Variants in TCTN1 observed in about 807,000 individuals in gnomAD.
TCTN1 encodes tectonic family member 1.
In TCTN1, 58 loss-of-function variants were observed where a neutral mutation model predicts 65.8. The ratio of observed to expected loss-of-function variants is 0.88; its 90% confidence interval spans 0.71 to 1.10. TCTN1 has a LOEUF of 1.10. Ranked by LOEUF, TCTN1 falls within the 50% of genes least tolerant of loss-of-function variation. The pLI, the probability that TCTN1 is intolerant of heterozygous loss-of-function variation, is 0.00. For missense variants in TCTN1, 645 were observed against 719.4 expected, an observed-to-expected ratio of 0.90 and a Z score of 1.18; for synonymous variants, 273 against 289.1, an observed-to-expected ratio of 0.94 and a Z score of 0.57.
chr12:110,627,006 A>G (rs2065896391), intron 3 of TCTN1, among the ~76,000 whole-genome samples: 1 of 151,400 alleles, frequency 6.6e-6, no homozygotes, highest in South Asian at 2.1e-4. Flanking sequence ...TCCCGACCTC[A>G]GGTGATCCAC....
At position 110,649,027 on chromosome 12, in the gene TCTN1, T is replaced by C. The variant is rs763814942; in HGVS notation, c.*2-16T>C. On this transcript the variant is annotated splice_polypyrimidine_tract_variant and intron_variant, in intron 14 of 14. Transcript: ENST00000397659. The stretch of plus-strand genomic sequence containing the variant: ...ATGGGGTGGCAGCTAAAGTAGCTTC[T>C]TTTTCTTTCTTTCAGAATGCTCAGA... 6.2e-6 allele frequency: 3 copies of C among 485,964 alleles called. No individual in the cohort carries two copies. Among genetic ancestry groups the C allele is most frequent in the South Asian group, 4.8e-5 (3 of 62,452 alleles). 30.1% of individuals were successfully genotyped at this position (485,964 alleles called of 1,614,324 possible). A position where few individuals can be genotyped will look rare whatever the true frequency, so the allele number is the denominator to read the frequency against.
rs565621967 is a variant in TCTN1, at chr12:110,636,725, T to C, written c.843+224T>C. Among the ~76,000 whole-genome samples, 3 of 152,310 alleles carry C rather than the reference T, an allele frequency of 2.0e-5. No individual in the cohort carries two copies. In the South Asian group the frequency reaches 6.2e-4, roughly 32 times the overall value. On this transcript the variant is annotated intron_variant, in intron 7 of 14. Coordinates refer to ENST00000397659, the MANE Select transcript of TCTN1 (RefSeq NM_001082538.3). ...CCTCTGTTGTTGTGGTTTTGTACTC[T>C]TCCATGGTTCAGTGACACCACTGTC...
intron 2 of TCTN1, among the ~76,000 whole-genome samples, chr12:110,622,619 A>G (rs1565962692): frequency 6.6e-6 from 1 of 152,072 alleles, no homozygotes; most frequent in Non-Finnish European, 1.5e-5. Flanking sequence ...CTGCGTGGAC[A>G]GAGATGGGGG....
chr12:110,615,340 GA>G (rs566797800), intron 1 of TCTN1, among the ~76,000 whole-genome samples: 1 of 152,148 alleles, frequency 6.6e-6, no homozygotes, highest in Non-Finnish European at 1.5e-5. Context: ...AAAACTTTGT[GA>G]ATATGCCTTT....
At position 110,647,882 on chromosome 12, in the gene TCTN1, CGTTT is replaced by C. The variant is rs1353535488; in HGVS notation, c.1775_1778del (p.Val592AspfsTer106). On this transcript the variant is annotated frameshift_variant, in exon 14 of 15. Transcript: ENST00000397659. LOFTEE classifies it high-confidence loss of function. ...AGGCTGCCCTTTAACTTCTTCTTCC[CGTTT>C]GTTTGACGTAAGTGAGGAAACTACG... 4.3e-6 allele frequency: 7 copies of C among 1,613,504 alleles called. No homozygotes were observed. The highest frequency in any genetic ancestry group is 1.7e-5 in the Admixed American group (1 of 59,998).
intron 11 of TCTN1, chr12:110,643,323 A>G (rs982531091): frequency 6.6e-6 from 1 of 152,230 alleles, no homozygotes; most frequent in Admixed American, 6.5e-5. Context: ...AGTGAGAGGA[A>G]GCCTGAATAT....
intron 12 of TCTN1, 116 bp from the exon 13 acceptor site, chr12:110,647,080 T>C (rs2067371990): frequency 3.3e-6 from 4 of 1,228,496 alleles, no homozygotes; most frequent in Non-Finnish European, 4.7e-6. Flanking sequence ...ACTTGTAGAG[T>C]CTATTCATTT....
chr12:110,618,184 T>C (rs2135883920), intron 1 of TCTN1, among the ~76,000 whole-genome samples: 1 of 151,614 alleles, frequency 6.6e-6, no homozygotes, highest in Admixed American at 6.6e-5. Context: ...ACGATTCTCC[T>C]GCCTCAGCCT....
In TCTN1 at chr12:110,622,030, C is replaced by CA. The variant is rs557781471; in HGVS notation, c.341+2075dup. On this transcript the variant is annotated intron_variant, in intron 2 of 14. Transcript: ENST00000397659. ...GTGGGTGCCTGTAATCCCAGCTACT[C>CA]AGGGGGCTGAGGTGGGAGAATCGCT... 1.5e-3 allele frequency among the ~76,000 whole-genome samples: 225 copies of CA among 151,916 alleles called. 5 individuals are homozygous for CA. The East Asian group carries it at 0.025, about 17-fold the overall frequency.
intron 7 of TCTN1, among the ~76,000 whole-genome samples, chr12:110,638,986 G>T (rs939518067): frequency 6.6e-6 from 1 of 152,228 alleles, no homozygotes; most frequent in Non-Finnish European, 1.5e-5. Context: ...GACAGCTCAC[G>T]TCTTTGTTAC....
At chr12:110,642,006 T>G in intron 10 of TCTN1, 1 of 594,332 alleles carries the variant, frequency 1.7e-6, no homozygotes, top group Non-Finnish European at 3.0e-6. Context: ...TAAACAGATG[T>G]AGTGATTTTG....
At chr12:110,617,974 C>T (rs540087145) in intron 1 of TCTN1, among the ~76,000 whole-genome samples, 1 of 151,922 alleles carries the variant, frequency 6.6e-6, no homozygotes, top group East Asian at 1.9e-4. Context: ...TCCTTTTTAT[C>T]GTGAAATAAT....
At chr12:110,617,347 T>A (rs1258160419) in intron 1 of TCTN1, among the ~76,000 whole-genome samples, 1 of 121,298 alleles carries the variant, frequency 8.2e-6, no homozygotes, top group African/African-American at 3.1e-5. Context: ...GGGGTACTAT[T>A]TTTTTTTTTT....
In TCTN1 at chr12:110,626,360, AG is replaced by A; in HGVS notation, c.344del. 2 of 1,571,730 alleles carry A rather than the reference AG, an allele frequency of 1.3e-6. No homozygotes were observed. The highest frequency in any genetic ancestry group is 2.7e-5 in the African/African-American group (2 of 74,068). ...TTGTATTATTATTTTTTTAATTTTC[AG>A]GGGCGACAGCCAGTTTTGTAGTCAA... On this transcript the variant is annotated splice_acceptor_variant, in intron 2 of 14. Transcript: ENST00000397659. LOFTEE classifies it high-confidence loss of function.
rs758838642 is a variant in TCTN1 at position 110,647,737 on chromosome 12, T to C, written c.1636-12T>C. 6.2e-7 allele frequency: 1 copy of C among 1,614,236 alleles called. No homozygotes were observed. Among genetic ancestry groups the C allele is most frequent in the Non-Finnish European group, 8.5e-7 (1 of 1,180,042 alleles). ...CTGGAGGGTGGGCCTTGCATCTCTC[T>C]GTTTATTACAGGCCAACTCAGGAAA... On this transcript the variant is annotated splice_polypyrimidine_tract_variant and intron_variant, in intron 13 of 14. Coordinates refer to ENST00000397659, the MANE Select transcript of TCTN1 (RefSeq NM_001082538.3).
chr12:110,643,060 A>G (rs1477055504), intron 11 of TCTN1, among the ~76,000 whole-genome samples: 2 of 148,916 alleles, frequency 1.3e-5, no homozygotes, highest in Non-Finnish European at 3.0e-5. Context: ...CTGGCCTAAT[A>G]TTTTTGAATT....
Position 110,647,752 on chromosome 12 carries a change from A to G in TCTN1, c.1639A>G (p.Asn547Asp), listed in dbSNP as rs2067457405. 1 of 1,614,202 alleles carries G rather than the reference A, an allele frequency of 6.2e-7. No individual in the cohort carries two copies. Among genetic ancestry groups the G allele is most frequent in the Admixed American group, 1.7e-5 (1 of 60,024 alleles). Reference sequence around the variant, plus strand: ...TGCATCTCTCTGTTTATTACAGGCCAACTCAGGAAATGAAAGGACGATTCT... The same window carrying G: ...TGCATCTCTCTGTTTATTACAGGCCGACTCAGGAAATGAAAGGACGATTCT... ...NLISSSFPEA[N>D]SGNERTILIS... The change falls in exon 14 of 15, where the codon AAC becomes GAC. Residue 547 changes from asparagine to aspartate, a missense_variant. Coordinates refer to ENST00000397659, the MANE Select transcript of TCTN1 (RefSeq NM_001082538.3).
intron 3 of TCTN1, chr12:110,627,775 C>G (rs1368185317): frequency 2.1e-6 from 1 of 473,332 alleles, no homozygotes; most frequent in South Asian, 4.9e-5. Context: ...GCATTTAGCT[C>G]AAATATATGT....
intron 1 of TCTN1, among the ~76,000 whole-genome samples, chr12:110,617,653 T>G (rs551069703): frequency 6.6e-6 from 1 of 151,616 alleles, no homozygotes; most frequent in South Asian, 2.1e-4. Context: ...TTCTTTTTTT[T>G]TTTTTGAGAT....
Sources: gnomAD v4.1 joint callset for allele counts (sites outside exome capture counted in the v4.1 genomes callset) on GRCh38, gnomAD v4.1.1 for gene constraint, MANE v1.5 for transcripts, NCBI Gene and HGNC (gene_info 2026-07-23, HGNC 2026-07-21) for gene names.